Variants in CCDC13 observed in about 807,000 individuals in gnomAD.
CCDC13 encodes coiled-coil domain-containing protein 13.
A neutral mutation model predicts 87.3 loss-of-function variants in CCDC13; 70 were observed. The observed-to-expected ratio is 0.80, with a 90% confidence interval of 0.66 to 0.98. CCDC13 has a LOEUF of 0.98. Among genes scored for constraint, CCDC13 ranks in the 50% least tolerant of loss-of-function variants. CCDC13 has a pLI of 0.00. For missense variants in CCDC13, 842 were observed against 892.0 expected, an observed-to-expected ratio of 0.94 and a Z score of 0.71; for synonymous variants, 317 against 360.3, an observed-to-expected ratio of 0.88 and a Z score of 1.36.
intron 9 of CCDC13, among the ~76,000 whole-genome samples, chr3:42,736,877 C>G (rs888956515): frequency 6.6e-6 from 1 of 152,102 alleles, no homozygotes; most frequent in African/African-American, 2.4e-5. Context: ...GTTAGGAAAG[C>G]AGTATGGCCT....
chr3:42,741,663 G>A (rs1395511661), intron 8 of CCDC13, among the ~76,000 whole-genome samples: 1 of 152,124 alleles, frequency 6.6e-6, no homozygotes, highest in African/African-American at 2.4e-5. Flanking sequence ...CTTGAACCCC[G>A]GAGGCGGAGG....
intron 6 of CCDC13, 65 bp from the exon 7 acceptor site, chr3:42,746,092 A>G: frequency 8.6e-7 from 1 of 1,165,812 alleles, no homozygotes; most frequent in Non-Finnish European, 1.3e-6. Context: ...TGATGCTGCT[A>G]CGTATTTAGA....
rs758428506 is a variant in CCDC13 at position 42,757,214 on chromosome 3, C to T, written c.222G>A (p.Arg74=). The T allele has an allele frequency of 5.6e-6, 9 of 1,612,952 alleles. No homozygotes were observed. The East Asian group carries it at 1.8e-4, about 32-fold the overall frequency. ...GGTGTTCAATCTCATCTTCAAGCAC[C>T]CTACAAGGCAAAGGCAGAATTAATG... is the stretch of plus-strand genomic sequence containing the variant. ...EPNSKNSFEK[R]VLEDEIEHLR... is the part of the protein sequence containing the mutation. The change falls in exon 3 of 16, where the codon AGG becomes AGA. Residue 74 remains arginine (R), a splice_region_variant and synonymous_variant. Coordinates refer to ENST00000310232, the MANE Select transcript of CCDC13 (RefSeq NM_144719.4).
intron 13 of CCDC13, 99 bp downstream of exon 13, chr3:42,730,368 G>C (rs1181517221): frequency 6.7e-7 from 1 of 1,502,400 alleles, no homozygotes; most frequent in Non-Finnish European, 9.0e-7. Context: ...ACTGGGAGCC[G>C]AGCTCTCAGG....
intron 3 of CCDC13, among the ~76,000 whole-genome samples, chr3:42,753,593 A>C (rs2125906196): frequency 6.6e-6 from 1 of 152,234 alleles, no homozygotes; most frequent in East Asian, 1.9e-4. Context: ...AGCAGGAATA[A>C]GTGCTAGGAA....
At position 42,708,879 on chromosome 3, in the gene CCDC13, C is replaced by T. The variant is rs1245593317; in HGVS notation, c.*101G>A. 7.7e-7 allele frequency: 1 copy of T among 1,292,374 alleles called. No homozygotes were observed. Among genetic ancestry groups the T allele is most frequent in the Non-Finnish European group, 1.0e-6 (1 of 958,820 alleles). The allele number at this position is 1,292,374 out of a possible 1,614,324, so 80.1% of individuals were successfully genotyped here. A position where few individuals can be genotyped will look rare whatever the true frequency, so the allele number is the denominator to read the frequency against. The stretch of plus-strand genomic sequence containing the variant: ...TGGTAGAAGTGGTTGAGCTGGCTGC[C>T]CTGGGCTGGCTTCCCGGAGCAGATG... On this transcript the variant is annotated 3_prime_UTR_variant, in exon 16 of 16. Transcript: ENST00000310232.
intron 13 of CCDC13, among the ~76,000 whole-genome samples, chr3:42,717,293 G>C (rs1404813813): frequency 1.3e-5 from 2 of 151,990 alleles, no homozygotes; most frequent in Non-Finnish European, 2.9e-5. Flanking sequence ...GGGCATGGTG[G>C]TGGGTGCTTG....
At chr3:42,725,299 A>G (rs1251051415) in intron 13 of CCDC13, among the ~76,000 whole-genome samples, 1 of 152,166 alleles carries the variant, frequency 6.6e-6, no homozygotes, top group Non-Finnish European at 1.5e-5. Context: ...TGATTCAGCC[A>G]TTTCTTTTTT....
At position 42,745,767 on chromosome 3, in the gene CCDC13, AGAAG is replaced by A. The variant is rs1699374783; in HGVS notation, c.825+152_825+155del. On this transcript the variant is annotated intron_variant, in intron 7 of 15. Transcript: ENST00000310232. ...CAAATTAAAATCAGGCTGGTTGGCG[AGAAG>A]GTAAAACAACAACCCCGCACGAGTG... 5.7e-6 allele frequency: 3 copies of A among 525,258 alleles called. No homozygotes were observed. The South Asian group carries it at 1.0e-4, about 18-fold the overall frequency. 32.5% of individuals were successfully genotyped at this position (525,258 alleles called of 1,614,324 possible). A position where few individuals can be genotyped will look rare whatever the true frequency, so the allele number is the denominator to read the frequency against.
chr3:42,758,488 C>T (rs768475145), intron 1 of CCDC13, 137 bp from the exon 2 acceptor site: 102 of 782,766 alleles, frequency 1.3e-4, no homozygotes, highest in Non-Finnish European at 1.8e-4. Flanking sequence ...AGCTTGGAAG[C>T]TCCACCCTCA....
intron 13 of CCDC13, among the ~76,000 whole-genome samples, chr3:42,726,961 A>G (rs1355234300): frequency 6.6e-6 from 1 of 152,216 alleles, no homozygotes; most frequent in Admixed American, 6.5e-5. Context: ...GCAATAGTAG[A>G]TGATAAAAAA....
chr3:42,718,207 G>T (rs1342523237), intron 13 of CCDC13: 1 of 152,158 alleles, frequency 6.6e-6, no homozygotes, highest in Non-Finnish European at 1.5e-5. Flanking sequence ...GATAGAACAG[G>T]TTACAGTAAA....
At chr3:42,764,848 T>A (rs1699901007) in intron 1 of CCDC13, among the ~76,000 whole-genome samples, 1 of 152,190 alleles carries the variant, frequency 6.6e-6, no homozygotes. Flanking sequence ...TTAACCTCAG[T>A]GTATTATAAT....
chr3:42,727,051 A>C (rs1243096579), intron 13 of CCDC13, among the ~76,000 whole-genome samples: 3 of 152,170 alleles, frequency 2.0e-5, no homozygotes, highest in Non-Finnish European at 4.4e-5. Context: ...TTAAATTCTC[A>C]TTCAAGACAG....
At position 42,708,269 on chromosome 3, in the gene CCDC13, T is replaced by A. The variant is rs1488197840; in HGVS notation, c.*711A>T. On this transcript the variant is annotated 3_prime_UTR_variant, in exon 16 of 16. Transcript: ENST00000310232. ...GACTGCAGTTAAATATTAGCTCAGC[T>A]TCTTTCTGTGAACCTCAGTTTCTTC... 6.6e-6 allele frequency: 1 copy of A among 152,152 alleles called. No homozygotes were observed. The highest frequency in any genetic ancestry group is 1.5e-5 in the Non-Finnish European group (1 of 68,038). 9.4% of individuals were successfully genotyped at this position (152,152 alleles called of 1,614,324 possible). A position where few individuals can be genotyped will look rare whatever the true frequency, so the allele number is the denominator to read the frequency against.
intron 5 of CCDC13, among the ~76,000 whole-genome samples, chr3:42,750,712 T>C (rs1204179300): frequency 1.3e-5 from 2 of 152,118 alleles, no homozygotes; most frequent in Admixed American, 1.3e-4. Context: ...AAGTGATCCA[T>C]CAGCCTCAGC....
chr3:42,738,993 T>C (rs1699121469), intron 9 of CCDC13, among the ~76,000 whole-genome samples: 1 of 152,248 alleles, frequency 6.6e-6, no homozygotes, highest in Non-Finnish European at 1.5e-5. Flanking sequence ...GTGCTGGTTT[T>C]CAAAGGGAAT....
At chr3:42,756,863 C>T (rs1699716329) in intron 3 of CCDC13, among the ~76,000 whole-genome samples, 1 of 152,138 alleles carries the variant, frequency 6.6e-6, no homozygotes. Flanking sequence ...GCTCCCTGTG[C>T]TCCCATTTTC....
chr3:42,735,640 G>T, intron 10 of CCDC13, 67 bp downstream of exon 10: 2 of 1,521,128 alleles, frequency 1.3e-6, no homozygotes, highest in Non-Finnish European at 1.8e-6. Context: ...GTGGAAAGAA[G>T]TGGAAGGAGC....
Sources: allele counts gnomAD v4.1 joint callset (sites outside exome capture counted in the v4.1 genomes callset), GRCh38; gene constraint gnomAD v4.1.1; transcripts MANE v1.5; gene names NCBI Gene and HGNC (gene_info 2026-07-23, HGNC 2026-07-21).